The following TRAF3IP1 variants were observed in gnomAD, a reference collection of about 807,000 sequenced individuals.
The protein encoded by TRAF3IP1 is intraflagellar transport 54, also known as TRAF3-interacting protein 1.
In TRAF3IP1, 53 loss-of-function variants were observed where a neutral mutation model predicts 89.9. That is an observed-to-expected ratio of 0.59 (90% CI 0.47 to 0.74). The LOEUF is 0.74. TRAF3IP1 is among the 30% of genes least tolerant of loss of function. The probability of loss-of-function intolerance (pLI) is 0.00; values close to 1 mark genes in which losing one functional copy is unlikely to be tolerated. For missense variants in TRAF3IP1, 806 were observed against 866.1 expected (o/e 0.93, Z 0.87); for synonymous variants, 311 against 322.1 (o/e 0.97, Z 0.37).
At chr2:238,372,186 T>G (rs1286832585) in intron 15 of TRAF3IP1, among the ~76,000 whole-genome samples, 2 of 152,178 alleles carry the variant, frequency 1.3e-5, no homozygotes, top group African/African-American at 4.8e-5. Context: ...AATGTGCAGG[T>G]TTGTTACATA....
Position 238,345,923 on chromosome 2 carries a change from C to T in TRAF3IP1, c.1261+1325C>T, listed in dbSNP as rs1352881843. Among the ~76,000 whole-genome samples, 2 of 152,046 alleles carry T rather than the reference C, an allele frequency of 1.3e-5. No homozygotes were observed. Among genetic ancestry groups the T allele is most frequent in the African/African-American group, 4.8e-5 (2 of 41,386 alleles). On this transcript the variant is annotated intron_variant, in intron 9 of 16. Transcript: ENST00000373327. This position sits in a 1 kb window ranked among gnomAD's most constrained non-coding sequence, Gnocchi z 4.7. ...GGCAGGTGCCTTGGGTTCTGGGTAA[C>T]GGGGACTGGAAGTATCCATTGAAAG... is the stretch of plus-strand genomic sequence containing the variant.
intron 6 of TRAF3IP1, 57 bp from the exon 7 acceptor site, chr2:238,333,903 T>A: frequency 7.2e-7 from 1 of 1,391,144 alleles, no homozygotes; most frequent in Admixed American, 2.0e-5. Context: ...ATAAACCTGC[T>A]TATGATACTG....
At chr2:238,337,415 GTCCCGGAGCTGCTGT>G (rs1559361623) in intron 7 of TRAF3IP1, among the ~76,000 whole-genome samples, 1 of 152,178 alleles carries the variant, frequency 6.6e-6, no homozygotes, top group Non-Finnish European at 1.5e-5. Flanking sequence ...GGAGCTGCTG[GTCCCGGAGCTGCTGT>G]TCCCGGTCCA....
chr2:238,332,176 A>G (rs1184496456), intron 5 of TRAF3IP1, among the ~76,000 whole-genome samples: 1 of 152,216 alleles, frequency 6.6e-6, no homozygotes, highest in South Asian at 2.1e-4. Flanking sequence ...AATTGTTGAA[A>G]TATCGAACAG....
At position 238,345,334 on chromosome 2, in the gene TRAF3IP1, TC is replaced by T. The variant is rs1183212111; in HGVS notation, c.1261+737del. Among the ~76,000 whole-genome samples, 3 of 152,022 alleles carry T rather than the reference TC, an allele frequency of 2.0e-5. No individual in the cohort carries two copies. Among genetic ancestry groups the T allele is most frequent in the Non-Finnish European group, 2.9e-5 (2 of 67,992 alleles). ...GATGAGGCTCGAAGATCAACCGAAA[TC>T]GTTTGATGGGGTGGCAGTCTGGGAC... On this transcript the variant is annotated intron_variant, in intron 9 of 16. Coordinates refer to ENST00000373327, the MANE Select transcript of TRAF3IP1 (RefSeq NM_015650.4). This position sits in a 1 kb window ranked among gnomAD's most constrained non-coding sequence, Gnocchi z 4.7.
At chr2:238,365,153 T>G (rs35285009) in intron 15 of TRAF3IP1, among the ~76,000 whole-genome samples, 1 of 152,228 alleles carries the variant, frequency 6.6e-6, no homozygotes, top group Non-Finnish European at 1.5e-5. Context: ...ACTTTGGTGA[T>G]AGGAATAGAT....
chr2:238,399,212 T>C lies in TRAF3IP1; in HGVS notation c.*293T>C. On this transcript the variant is annotated 3_prime_UTR_variant, in exon 17 of 17. Transcript: ENST00000373327. ...TCTTTGTGTTTCTGCTGTAACCTGT[T>C]TAGTTCTGTACCAGAACTCTCTAGC... The C allele has an allele frequency of 7.4e-6, 2 of 269,612 alleles. No individual in the cohort carries two copies. The highest frequency in any genetic ancestry group is 1.4e-5 in the Non-Finnish European group (2 of 141,284). 16.7% of individuals were successfully genotyped at this position (269,612 alleles called of 1,614,324 possible). A position where few individuals can be genotyped will look rare whatever the true frequency, so the allele number is the denominator to read the frequency against.
chr2:238,332,545 G>A (rs944437350), intron 5 of TRAF3IP1, among the ~76,000 whole-genome samples: 18 of 152,064 alleles, frequency 1.2e-4, no homozygotes, highest in African/African-American at 3.6e-4. Context: ...GTAGGGATTC[G>A]TGTTCTGTGT....
chr2:238,399,388 A>G lies in TRAF3IP1; in HGVS notation c.*469A>G, dbSNP rs1701377015. The G allele has an allele frequency of 6.5e-6, 1 of 152,674 alleles. No homozygotes were observed. Among genetic ancestry groups the G allele is most frequent in the Non-Finnish European group, 1.5e-5 (1 of 68,360 alleles). The allele number at this position is 152,674 out of a possible 1,614,324, so 9.5% of individuals were successfully genotyped here. ...AATGAGGCCTGAAAATGAATACATT[A>G]TATTTTTAGTTAATTTCCAATGGAA... On this transcript the variant is annotated 3_prime_UTR_variant, in exon 17 of 17. Coordinates refer to ENST00000373327, the MANE Select transcript of TRAF3IP1 (RefSeq NM_015650.4).
chr2:238,378,338 A>G (rs1700405212), intron 15 of TRAF3IP1, among the ~76,000 whole-genome samples: 1 of 152,200 alleles, frequency 6.6e-6, no homozygotes, highest in Non-Finnish European at 1.5e-5. Flanking sequence ...GTTAGCATTC[A>G]TTCATTCACC....
At chr2:238,394,232 C>G (rs1404853668) in intron 15 of TRAF3IP1, among the ~76,000 whole-genome samples, 2 of 152,144 alleles carry the variant, frequency 1.3e-5, no homozygotes, top group Non-Finnish European at 2.9e-5. Context: ...CTGGTTATTT[C>G]TGTCTTTATT....
chr2:238,334,295 T>G (rs1245528984), intron 7 of TRAF3IP1, among the ~76,000 whole-genome samples: 2 of 152,224 alleles, frequency 1.3e-5, no homozygotes, highest in African/African-American at 4.8e-5. Context: ...CTAAAAGTTG[T>G]GATCAAATTT....
At chr2:238,346,735 C>G (rs66466750) in intron 9 of TRAF3IP1, among the ~76,000 whole-genome samples, 17,754 of 152,174 alleles carry the variant, frequency 0.12, 1,765 homozygotes, top group African/African-American at 0.27. Context: ...TCCTCTCTGC[C>G]GTATAGTGTG....
rs930160526 is a variant in TRAF3IP1 at position 238,325,458 on chromosome 2, A to T, written c.192+84A>T. The stretch of plus-strand genomic sequence containing the variant: ...TAGGCCTGGTAGTGTGGCTTGTGTC[A>T]TTTCTCTGCTGCATGTGGTTGGAAT... On this transcript the variant is annotated intron_variant, in intron 2 of 16. Coordinates refer to ENST00000373327, the MANE Select transcript of TRAF3IP1 (RefSeq NM_015650.4). 6.6e-6 allele frequency: 9 copies of T among 1,365,390 alleles called. No individual in the cohort carries two copies. In the African/African-American group the frequency reaches 1.3e-4, roughly 19 times the overall value. 84.6% of individuals were successfully genotyped at this position (1,365,390 alleles called of 1,614,324 possible). A position where few individuals can be genotyped will look rare whatever the true frequency, so the allele number is the denominator to read the frequency against.
chr2:238,392,072 A>T (rs1287191018), intron 15 of TRAF3IP1, among the ~76,000 whole-genome samples: 1 of 152,340 alleles, frequency 6.6e-6, no homozygotes, highest in Non-Finnish European at 1.5e-5. Flanking sequence ...ATATCCAGTT[A>T]TAAGAAATAA....
chr2:238,396,906 C>T (rs1297195409), intron 15 of TRAF3IP1, among the ~76,000 whole-genome samples: 2 of 152,200 alleles, frequency 1.3e-5, no homozygotes, highest in Non-Finnish European at 2.9e-5. Flanking sequence ...CTGCTGCTGG[C>T]GCTGGCTGCC....
rs988534980 is a variant in TRAF3IP1, at chr2:238,379,154, C to A, written c.1690-18305C>A. Among the ~76,000 whole-genome samples the A allele has an allele frequency of 3.9e-5, 6 of 152,158 alleles. No homozygotes were observed. The highest frequency in any genetic ancestry group is 1.4e-4 in the African/African-American group (6 of 41,432). On this transcript the variant is annotated intron_variant, in intron 15 of 16. Transcript: ENST00000373327. The surrounding 1 kb of genome is among the most constrained non-coding windows in gnomAD (Gnocchi z 4.0). The stretch of plus-strand genomic sequence containing the variant: ...GTGTCACTGGGGGCCTGTTTTCTTG[C>A]AGTCCAAGGTTACCTGGAGGCTGCT...
At chr2:238,347,427 C>G in intron 9 of TRAF3IP1, 28 bp from the exon 10 acceptor site, 1 of 1,613,778 alleles carries the variant, frequency 6.2e-7, no homozygotes, top group Non-Finnish European at 8.5e-7. Flanking sequence ...TACACGAAAG[C>G]TAATTTTCTG....
chr2:238,349,264 C>A, intron 11 of TRAF3IP1, 61 bp from the exon 12 acceptor site: 1 of 1,498,012 alleles, frequency 6.7e-7, no homozygotes, highest in Non-Finnish European at 9.2e-7. Context: ...GCTTTCTTTT[C>A]CAGTTTGAAA....
Sources: gnomAD v4.1 joint callset for allele counts (sites outside exome capture counted in the v4.1 genomes callset) on GRCh38, gnomAD v4.1.1 for gene constraint, Gnocchi (gnomAD v3.1) non-coding constraint, MANE v1.5 for transcripts, NCBI Gene and HGNC (gene_info 2026-07-23, HGNC 2026-07-21) for gene names.